Variants in STAT6 observed in about 807,000 individuals in gnomAD.
The protein encoded by STAT6 is signal transducer and activator of transcription 6.
In STAT6, 45 loss-of-function variants were observed where a neutral mutation model predicts 106.3. The ratio of observed to expected loss-of-function variants is 0.42; its 90% CI spans 0.33 to 0.54. STAT6 has a LOEUF of 0.54. STAT6 is among the 20% of genes least tolerant of loss of function. The pLI, the probability that STAT6 is intolerant of heterozygous loss-of-function variation, is 0.06. For missense variants in STAT6, 797 were observed against 1,062.2 expected, an observed-to-expected ratio of 0.75 and a Z score of 3.47; for synonymous variants, 413 against 413.6, an observed-to-expected ratio of 1.00 and a Z score of 0.02.
At chr12:57,106,124 G>A in intron 7 of STAT6, 67 bp downstream of exon 7, 2 of 1,602,782 alleles carry the variant, frequency 1.2e-6, no homozygotes, top group East Asian at 2.2e-5. Flanking sequence ...CTCACCTGTA[G>A]GGCCTTCAGC....
At chr12:57,100,692 G>A (rs1374291084) in intron 13 of STAT6, among the ~76,000 whole-genome samples, 9 of 50,074 alleles carry the variant, frequency 1.8e-4, no homozygotes, top group African/African-American at 7.4e-4. Context: ...AAGAAAGAAA[G>A]AAAGAAAGAG....
intron 1 of STAT6, chr12:57,110,640 C>T (rs2136628037): frequency 6.6e-6 from 1 of 152,296 alleles, no homozygotes; most frequent in African/African-American, 2.4e-5. Flanking sequence ...AGCAGCCAAG[C>T]GTGGAGCAGT....
chr12:57,097,254 T>C, intron 19 of STAT6, 121 bp from the exon 20 acceptor site: 1 of 753,630 alleles, frequency 1.3e-6, no homozygotes, highest in Non-Finnish European at 2.0e-6. Context: ...AGTCATGGCC[T>C]GGGCAAGCTA....
chr12:57,104,956 C>A, intron 9 of STAT6, 143 bp from the exon 10 acceptor site: 1 of 1,219,480 alleles, frequency 8.2e-7, no homozygotes, highest in South Asian at 1.4e-5. Context: ...GAGTCCCCAT[C>A]TTGGCCAAAT....
Position 57,096,974 on chromosome 12 carries a change from G to A in STAT6, c.2230C>T (p.Leu744=). 5 of 1,613,074 alleles carry A rather than the reference G, an allele frequency of 3.1e-6. No homozygotes were observed. Among genetic ancestry groups the A allele is most frequent in the Non-Finnish European group, 4.2e-6 (5 of 1,179,480 alleles). Residue 744 remains leucine, a synonymous_variant, in exon 21 of 22, where the codon CTG becomes TTG. Coordinates refer to ENST00000300134, the MANE Select transcript of STAT6 (RefSeq NM_003153.5). ...LPFDQPHPQG[L]LPCQPQEHAV... ...TGCTCCTGAGGCTGGCACGGCAGCA[G>A]GCCCCTGCCAGGAACCAGCAATGGA... is the stretch of plus-strand genomic sequence containing the variant.
intron 13 of STAT6, among the ~76,000 whole-genome samples, chr12:57,101,144 A>T (rs1261462816): frequency 6.6e-6 from 1 of 151,512 alleles, no homozygotes; most frequent in African/African-American, 2.4e-5. Context: ...GCTGGAGTGC[A>T]GTGGCACAAT....
intron 12 of STAT6, 21 bp from the exon 13 acceptor site, chr12:57,102,517 G>A: frequency 1.2e-6 from 2 of 1,611,796 alleles, no homozygotes; most frequent in Non-Finnish European, 1.7e-6. Context: ...GGGGGAAGAA[G>A]AGAGCACTGC....
intron 2 of STAT6, 90 bp downstream of exon 2, chr12:57,108,073 G>A (rs954903395): frequency 1.1e-5 from 9 of 856,122 alleles, no homozygotes; most frequent in Non-Finnish European, 1.7e-5. Flanking sequence ...CTCAAGTTCT[G>A]AATCCATGGG....
intron 13 of STAT6, among the ~76,000 whole-genome samples, chr12:57,101,663 C>CTT (rs1228510878): frequency 1.7e-4 from 22 of 127,538 alleles, no homozygotes; most frequent in East Asian, 4.4e-4. Context: ...CATGCCTGGC[C>CTT]TTTTTTTTTT....
At chr12:57,100,678 AAGAAAGAAAGAAAGAAAGAAAG>A (rs1565684254) in intron 13 of STAT6, among the ~76,000 whole-genome samples, 20 of 66,526 alleles carry the variant, frequency 3.0e-4, no homozygotes, top group African/African-American at 1.2e-3. Context: ...GAAAGAAAGA[AAGAAAGAAAGAAAGAAAGAAAG>A]AGAAAGAAAG....
At chr12:57,104,402 G>A in intron 11 of STAT6, 62 bp downstream of exon 11, 3 of 1,566,984 alleles carry the variant, frequency 1.9e-6, no homozygotes, top group Non-Finnish European at 2.6e-6. Context: ...CAGGGCCCTT[G>A]TGTGTGGCAT....
chr12:57,098,637 C>A (rs1592546307), intron 18 of STAT6, 40 bp from the exon 19 acceptor site: 1 of 1,600,736 alleles, frequency 6.2e-7, no homozygotes, highest in East Asian at 2.2e-5. Flanking sequence ...CAGCCCTTCT[C>A]CTGGACACCA....
rs1170118683 is a variant in STAT6 at position 57,096,149 on chromosome 12, G to A, written c.*423C>T. The A allele has an allele frequency of 5.9e-6, 1 of 170,850 alleles. No homozygotes were observed. The highest frequency in any genetic ancestry group is 1.7e-4 in the East Asian group (1 of 5,842). 10.6% of individuals were successfully genotyped at this position (170,850 alleles called of 1,614,324 possible). A position where few individuals can be genotyped will look rare whatever the true frequency, so the allele number is the denominator to read the frequency against. On this transcript the variant is annotated 3_prime_UTR_variant, in exon 22 of 22. Transcript: ENST00000300134. ...GCCTCTAGTGTAAATGTGTCTGTAT[G>A]TTCCTGCCTATCCGTCCTAGGCCCT...
At chr12:57,106,414 C>G in intron 6 of STAT6, 75 bp from the exon 7 acceptor site, 1 of 1,608,050 alleles carries the variant, frequency 6.2e-7, no homozygotes, top group Non-Finnish European at 8.5e-7. Flanking sequence ...GGCTCTTTTT[C>G]TCACTCCTCT....
chr12:57,097,478 G>A (rs929937696), intron 19 of STAT6, among the ~76,000 whole-genome samples: 4 of 152,272 alleles, frequency 2.6e-5, no homozygotes, highest in Admixed American at 2.6e-4. Flanking sequence ...AAAATGTCTA[G>A]GCCATTTCAA....
At position 57,096,769 on chromosome 12, in the gene STAT6, G is replaced by A; in HGVS notation, c.2355-8C>T. On this transcript the variant is annotated splice_region_variant and splice_polypyrimidine_tract_variant and intron_variant, in intron 21 of 21. Transcript: ENST00000300134. ...AATATGTCTTCACCAATCCTGCAAG[G>A]AGATGGGAGAAGCAGTGGAGTAGGC... The A allele has an allele frequency of 6.2e-7, 1 of 1,613,452 alleles. No homozygotes were observed.
rs765943522 is a variant in STAT6 at position 57,107,659 on chromosome 12, C to T, written c.201G>A (p.Ser67=). Residue 67 remains serine (S), a synonymous_variant, in exon 3 of 22, where the codon TCG becomes TCA. Coordinates refer to ENST00000300134, the MANE Select transcript of STAT6 (RefSeq NM_003153.5). The stretch of plus-strand genomic sequence containing the variant: ...TGCTCCCCTCCCCCTGCTCTCCCAC[C>T]GAGGCCTGAAGGTGCTGGACAGTGT... ...LSDTVQHLQA[S]VGEQGEGSTI... 5.0e-6 allele frequency: 8 copies of T among 1,614,034 alleles called. No homozygotes were observed. The highest frequency in any genetic ancestry group is 2.2e-5 in the East Asian group (1 of 44,894).
intron 12 of STAT6, 151 bp from the exon 13 acceptor site, chr12:57,102,647 G>T (rs1592559891): frequency 9.9e-7 from 1 of 1,008,430 alleles, no homozygotes; most frequent in Non-Finnish European, 1.5e-6. Flanking sequence ...TTACAGTGCT[G>T]TGGCCTGATA....
Position 57,106,747 on chromosome 12 carries a change from C to T in STAT6, c.424G>A (p.Gly142Arg), listed in dbSNP as rs756665780. ...TGLRRLQHRV[G>R]EIHLLREALQ... ...GCTTCTCGGAGAAGGTGGATCTCCC[C>T]TACTCGGTGCTGCAGCCTCCGCAAG... The change falls in exon 5 of 22, where the codon GGG (glycine) becomes AGG (arginine). Residue 142 changes from glycine to arginine, a missense_variant. Transcript: ENST00000300134. The T allele has an allele frequency of 2.5e-6, 4 of 1,614,136 alleles. No individual in the cohort carries two copies. Among genetic ancestry groups the T allele is most frequent in the Non-Finnish European group, 3.4e-6 (4 of 1,180,034 alleles).
Sources: gnomAD v4.1 joint callset for allele counts (sites outside exome capture counted in the v4.1 genomes callset) on GRCh38, gnomAD v4.1.1 for gene constraint, MANE v1.5 for transcripts, NCBI Gene and HGNC (gene_info 2026-07-23, HGNC 2026-07-21) for gene names.